Variants in PHACTR1 observed in about 807,000 individuals in gnomAD.
PHACTR1 encodes the protein RPEL repeat containing 1.
In PHACTR1, 16 loss-of-function variants were observed where a neutral mutation model predicts 69.2. The ratio of observed to expected loss-of-function variants is 0.23; its 90% CI spans 0.16 to 0.35. PHACTR1 has a LOEUF of 0.35. Among genes scored for constraint, PHACTR1 ranks in the 10% least tolerant of loss-of-function variants. The pLI, the probability that PHACTR1 is intolerant of heterozygous loss-of-function variation, is 1.00. For missense variants in PHACTR1, 510 were observed against 734.7 expected (o/e 0.69, Z 3.54); for synonymous variants, 312 against 284.5 (o/e 1.10, Z -0.97).
At chr6:12,826,683 A>C (rs1369672355) in intron 4 of PHACTR1, among the ~76,000 whole-genome samples, 1 of 152,214 alleles carries the variant, frequency 6.6e-6, no homozygotes, top group Non-Finnish European at 1.5e-5. Flanking sequence ...AATCCCTTGC[A>C]GTGCATCTGA....
intron 4 of PHACTR1, among the ~76,000 whole-genome samples, chr6:12,953,489 G>A (rs1338781377): frequency 6.6e-6 from 1 of 152,160 alleles, no homozygotes; most frequent in Admixed American, 6.5e-5. Flanking sequence ...TAGCCTGTTT[G>A]CAAATAAGTT....
chr6:13,096,311 T>C (rs376146919), intron 5 of PHACTR1, among the ~76,000 whole-genome samples: 2 of 152,228 alleles, frequency 1.3e-5, no homozygotes, highest in East Asian at 1.9e-4. Flanking sequence ...TTCACAAGCC[T>C]CTCTAAAGGT....
At chr6:12,803,166 T>G (rs1773906674) in intron 4 of PHACTR1, among the ~76,000 whole-genome samples, 1 of 152,194 alleles carries the variant, frequency 6.6e-6, no homozygotes, top group Non-Finnish European at 1.5e-5. Context: ...TACTTGGTCC[T>G]ATTATTGTGT....
chr6:13,208,627 G>GCCCTC (rs138524215), intron 8 of PHACTR1, among the ~76,000 whole-genome samples: 111 of 141,396 alleles, frequency 7.9e-4, no homozygotes, highest in East Asian at 2.9e-3. Context: ...CGTCATTGCT[G>GCCCTC]CCCACCCCCC....
At chr6:12,811,832 C>T (rs913420237) in intron 4 of PHACTR1, among the ~76,000 whole-genome samples, 1 of 152,094 alleles carries the variant, frequency 6.6e-6, no homozygotes, top group Non-Finnish European at 1.5e-5. Context: ...GCACCATACT[C>T]GGTTTCCTTT....
chr6:13,082,873 A>G (rs1340946921), intron 5 of PHACTR1, among the ~76,000 whole-genome samples: 1 of 151,602 alleles, frequency 6.6e-6, no homozygotes, highest in African/African-American at 2.4e-5. Flanking sequence ...GGTTGCAAAA[A>G]TTTTCTCCCA....
intron 5 of PHACTR1, among the ~76,000 whole-genome samples, chr6:13,135,907 AG>A (rs1036529068): frequency 1.3e-5 from 2 of 152,082 alleles, no homozygotes; most frequent in Admixed American, 1.3e-4. Flanking sequence ...TATTTGAAAT[AG>A]AAAAAAAAAG....
At chr6:13,266,652 CAG>C (rs1776755465) in intron 10 of PHACTR1, 1 of 152,610 alleles carries the variant, frequency 6.6e-6, no homozygotes, top group Non-Finnish European at 1.5e-5. Context: ...TGGTGGAAAA[CAG>C]AGGGAAAGCA....
chr6:13,199,528 A>G (rs1764920290), intron 7 of PHACTR1, among the ~76,000 whole-genome samples: 1 of 152,092 alleles, frequency 6.6e-6, no homozygotes, highest in South Asian at 2.1e-4. Flanking sequence ...GGTACTAGAT[A>G]TATATTTCTT....
intron 4 of PHACTR1, among the ~76,000 whole-genome samples, chr6:13,002,507 T>A (rs1447805087): frequency 6.6e-6 from 1 of 152,234 alleles, no homozygotes; most frequent in Non-Finnish European, 1.5e-5. Context: ...GGCTTATATT[T>A]CCTCAGGCTT....
chr6:12,749,545 C>CCCTTCCTCTCCCCT (rs775368214), intron 3 of PHACTR1, 99 bp from the exon 4 acceptor site: 4,725 of 400,064 alleles, frequency 0.012, 52 homozygotes, highest in Non-Finnish European at 0.017. Context: ...CCTCTCCCCT[C>CCCTTCCTCTCCCCT]CCCCTTCCCC....
intron 4 of PHACTR1, among the ~76,000 whole-genome samples, chr6:12,956,165 C>T (rs974673157): frequency 1.3e-5 from 2 of 152,188 alleles, no homozygotes; most frequent in Non-Finnish European, 2.9e-5. Context: ...TTGTTCTCAT[C>T]AACATAAATA....
At chr6:13,218,918 GGTAGA>G (rs1768168694) in intron 8 of PHACTR1, among the ~76,000 whole-genome samples, 1 of 146,804 alleles carries the variant, frequency 6.8e-6, no homozygotes, top group East Asian at 2.0e-4. Context: ...GAAGAGAAAA[GGTAGA>G]AAAAGGGAAA....
chr6:12,871,232 C>G (rs1158936820), intron 4 of PHACTR1, among the ~76,000 whole-genome samples: 1 of 152,180 alleles, frequency 6.6e-6, no homozygotes, highest in Admixed American at 6.5e-5. Context: ...CCGCTATGTG[C>G]TACTGGACTT....
At chr6:13,249,971 G>C (rs1409997183) in intron 10 of PHACTR1, among the ~76,000 whole-genome samples, 4 of 152,074 alleles carry the variant, frequency 2.6e-5, no homozygotes, top group African/African-American at 4.8e-5. Context: ...CATGGTAGGG[G>C]CCCACCAGTT....
In PHACTR1 at chr6:12,733,481, A is replaced by G. The variant is rs1486407684; in HGVS notation, c.103+14634A>G. Among the ~76,000 whole-genome samples the G allele has an allele frequency of 2.0e-5, 3 of 152,228 alleles. No homozygotes were observed. In the East Asian group the frequency reaches 5.8e-4, roughly 29 times the overall value. On this transcript the variant is annotated intron_variant, in intron 3 of 14. Coordinates refer to ENST00000332995, the MANE Select transcript of PHACTR1 (RefSeq NM_030948.6). ...ATGAAGAGGTGAAGCCAGGATTCAAACATGAGTCTTTCTGGCTTCACAGCT... is the reference window on the plus strand; with the variant it reads ...ATGAAGAGGTGAAGCCAGGATTCAAGCATGAGTCTTTCTGGCTTCACAGCT...
intron 7 of PHACTR1, among the ~76,000 whole-genome samples, chr6:13,183,346 G>A (rs777493312): frequency 3.3e-5 from 5 of 151,208 alleles, no homozygotes; most frequent in Non-Finnish European, 7.4e-5. Flanking sequence ...CAGGAGATGA[G>A]TCTGGGAGAA....
At chr6:12,959,789 T>C (rs1792447432) in intron 4 of PHACTR1, among the ~76,000 whole-genome samples, 1 of 152,244 alleles carries the variant, frequency 6.6e-6, no homozygotes, top group South Asian at 2.1e-4. Context: ...TTTGAGTGCA[T>C]TGCCTTCCAC....
intron 6 of PHACTR1, among the ~76,000 whole-genome samples, chr6:13,166,126 T>TC (rs1282115357): frequency 6.6e-6 from 1 of 152,218 alleles, no homozygotes; most frequent in Non-Finnish European, 1.5e-5. Context: ...TCCAGAAGCC[T>TC]CTTCCCCCAG....
Sources: gnomAD v4.1 joint callset for allele counts (sites outside exome capture counted in the v4.1 genomes callset) on GRCh38, gnomAD v4.1.1 for gene constraint, MANE v1.5 for transcripts, NCBI Gene and HGNC (gene_info 2026-07-23, HGNC 2026-07-21) for gene names.